The following HNRNPUL1 variants were observed in gnomAD, a reference collection of about 807,000 sequenced individuals.
HNRNPUL1 encodes the protein heterogeneous nuclear ribonucleoprotein U like 1.
HNRNPUL1 carries 14 observed loss-of-function variants against 108.5 expected under a neutral mutation model. That is an observed-to-expected ratio of 0.13 (90% CI 0.09 to 0.20). The LOEUF (loss-of-function observed/expected upper bound fraction) is 0.20. Among genes scored for constraint, HNRNPUL1 ranks in the 10% least tolerant of loss-of-function variants. HNRNPUL1 has a pLI of 1.00. For synonymous variants in HNRNPUL1, 422 were observed against 445.2 expected (o/e 0.95, Z 0.66); for missense variants, 804 against 1,168.3 (o/e 0.69, Z 4.55).
At chr19:41,282,295 GC>G (rs2035941578) in intron 7 of HNRNPUL1, among the ~76,000 whole-genome samples, 1 of 152,100 alleles carries the variant, frequency 6.6e-6, no homozygotes, top group African/African-American at 2.4e-5. Flanking sequence ...CGATTCTCCT[GC>G]CTCAGCCCCC....
At chr19:41,291,986 AAAAAAAAC>A (rs1420437871) in intron 7 of HNRNPUL1, 11 of 439,596 alleles carry the variant, frequency 2.5e-5, no homozygotes, top group African/African-American at 1.7e-4. Context: ...TCTCAAAAAA[AAAAAAAAC>A]AAAAAAAAAA....
intron 10 of HNRNPUL1, among the ~76,000 whole-genome samples, chr19:41,300,123 A>G (rs575163442): frequency 1.3e-5 from 2 of 152,148 alleles, no homozygotes; most frequent in East Asian, 1.9e-4. Flanking sequence ...GTGTCCCCCT[A>G]CTTGAGTAGT....
intron 13 of HNRNPUL1, 36 bp downstream of exon 13, chr19:41,304,297 G>T: frequency 6.5e-7 from 1 of 1,549,590 alleles, no homozygotes. Flanking sequence ...TGTAGTGATC[G>T]CACGTGTGCT....
intron 4 of HNRNPUL1, among the ~76,000 whole-genome samples, chr19:41,275,744 CA>C (rs2035513615): frequency 6.6e-6 from 1 of 152,150 alleles, no homozygotes; most frequent in Non-Finnish European, 1.5e-5. Context: ...ATGATGTGTT[CA>C]CTGTGTACTC....
intron 7 of HNRNPUL1, among the ~76,000 whole-genome samples, chr19:41,288,638 C>T (rs2036395522): frequency 6.6e-6 from 1 of 152,068 alleles, no homozygotes; most frequent in South Asian, 2.1e-4. Flanking sequence ...ATTGATTTAA[C>T]CTAGCGCCTC....
rs755713629 is a variant in HNRNPUL1, at chr19:41,292,433, G to T, written c.1188G>T (p.Gly396=). 34 of 1,614,058 alleles carry T rather than the reference G, an allele frequency of 2.1e-5. No individual in the cohort carries two copies. Among genetic ancestry groups the T allele is most frequent in the Admixed American group, 1.3e-4 (8 of 59,994 alleles). Residue 396 remains glycine, a synonymous_variant, in exon 8 of 15, where the codon GGG becomes GGT. Transcript: ENST00000392006. The surrounding 1 kb of genome is among the most constrained non-coding windows in gnomAD (Gnocchi z 4.1). ...RAEPYCSVLP[G]FTFIQHLPLS... is the part of the protein sequence containing the mutation. ...AGCCCTACTGTTCTGTCCTCCCGGGGTTTACCTTCATCCAGCACCTTCCCC... is the reference window on the plus strand; with the variant it reads ...AGCCCTACTGTTCTGTCCTCCCGGGTTTTACCTTCATCCAGCACCTTCCCC...
At position 41,294,147 on chromosome 19, in the gene HNRNPUL1, CTG is replaced by C. The variant is rs1209341318; in HGVS notation, c.1267-188_1267-187del. 6.6e-6 allele frequency among the ~76,000 whole-genome samples: 1 copy of C among 152,202 alleles called. No homozygotes were observed. Among genetic ancestry groups the C allele is most frequent in the Non-Finnish European group, 1.5e-5 (1 of 68,030 alleles). On this transcript the variant is annotated intron_variant, in intron 8 of 14. Transcript: ENST00000392006. This position sits in a 1 kb window ranked among gnomAD's most constrained non-coding sequence, Gnocchi z 4.3. The stretch of plus-strand genomic sequence containing the variant: ...CTTAATGCTCACCCTGTCCCAGGCA[CTG>C]TGCTCAGAGTCTGACAAGCCTGATC...
intron 7 of HNRNPUL1, among the ~76,000 whole-genome samples, chr19:41,287,212 C>T (rs1486586482): frequency 6.6e-6 from 1 of 152,044 alleles, no homozygotes; most frequent in Non-Finnish European, 1.5e-5. Flanking sequence ...GACAGGGTTT[C>T]ACCATGTTGG....
chr19:41,281,530 C>T (rs2035898979), intron 7 of HNRNPUL1, among the ~76,000 whole-genome samples: 1 of 151,990 alleles, frequency 6.6e-6, no homozygotes, highest in African/African-American at 2.4e-5. Flanking sequence ...CATAGCCTTC[C>T]TCCGTTCCTA....
At chr19:41,278,956 C>G (rs1267960212) in intron 5 of HNRNPUL1, 121 bp from the exon 6 acceptor site, 1 of 750,156 alleles carries the variant, frequency 1.3e-6, no homozygotes, top group Non-Finnish European at 2.3e-6. Context: ...TTAAACGCTT[C>G]TTCTCCAGCA....
intron 1 of HNRNPUL1, 30 bp downstream of exon 1, chr19:41,264,828 G>A (rs2034710902): frequency 1.5e-6 from 2 of 1,342,368 alleles, no homozygotes; most frequent in Non-Finnish European, 1.9e-6. Context: ...GGGCCGGGGA[G>A]CCCGGAGCCT....
chr19:41,264,353 G>A (rs1258375815), upstream of HNRNPUL1: 4 of 563,494 alleles, frequency 7.1e-6, no homozygotes, highest in South Asian at 1.5e-4. Flanking sequence ...GAGTGAGGGG[G>A]GAGGCGGTGG....
chr19:41,276,374 C>G, intron 5 of HNRNPUL1, 76 bp downstream of exon 5: 1 of 1,491,072 alleles, frequency 6.7e-7, no homozygotes. Context: ...CCACCTTGGT[C>G]AGAGCTGCAA....
At chr19:41,271,987 A>C in intron 2 of HNRNPUL1, 95 bp from the exon 3 acceptor site, 2 of 1,399,772 alleles carry the variant, frequency 1.4e-6, no homozygotes, top group Non-Finnish European at 2.0e-6. Context: ...TGTAGTGAGG[A>C]TCCTGCTCAC....
intron 7 of HNRNPUL1, among the ~76,000 whole-genome samples, chr19:41,283,516 C>T (rs912708185): frequency 6.6e-5 from 10 of 152,060 alleles, no homozygotes; most frequent in African/African-American, 2.2e-4. Flanking sequence ...AGCACGGTGG[C>T]GCAATCTCGG....
At chr19:41,268,377 A>T (rs1294594624) in intron 2 of HNRNPUL1, 32 bp downstream of exon 2, 2 of 1,607,272 alleles carry the variant, frequency 1.2e-6, no homozygotes, top group Non-Finnish European at 1.7e-6. Flanking sequence ...ATCTCTTTGG[A>T]TGGAAACAAT....
In HNRNPUL1 at chr19:41,268,405, C is replaced by A. The variant is rs148765117; in HGVS notation, c.418+60C>A. ...GAAACAATCTACATGGAGCCTTTACCCCCTGCTTAGAGCGGGTCTTCCCAG... is the reference window on the plus strand; with the variant it reads ...GAAACAATCTACATGGAGCCTTTACACCCTGCTTAGAGCGGGTCTTCCCAG... On this transcript the variant is annotated intron_variant, in intron 2 of 14. Transcript: ENST00000392006. 5.6e-4 allele frequency: 879 copies of A among 1,566,574 alleles called. 6 individuals carry two copies. The African/African-American group carries it at 0.011, about 19-fold the overall frequency.
intron 3 of HNRNPUL1, among the ~76,000 whole-genome samples, chr19:41,273,372 G>A (rs151219031): frequency 6.6e-6 from 1 of 152,224 alleles, no homozygotes; most frequent in Non-Finnish European, 1.5e-5. Context: ...AGGACCCTGA[G>A]TGTTAGATTC....
intron 10 of HNRNPUL1, among the ~76,000 whole-genome samples, chr19:41,300,560 C>CAA (rs2063615294): frequency 6.6e-6 from 1 of 152,144 alleles, no homozygotes; most frequent in African/African-American, 2.4e-5. Context: ...GAGCTGCTCA[C>CAA]TTTTTAAGTA....
Sources: allele counts gnomAD v4.1 joint callset (sites outside exome capture counted in the v4.1 genomes callset), GRCh38; gene constraint gnomAD v4.1.1; non-coding constraint Gnocchi (gnomAD v3.1); transcripts MANE v1.5; gene names NCBI Gene and HGNC (gene_info 2026-07-23, HGNC 2026-07-21).